Variants in ATP5F1C observed in about 807,000 individuals in gnomAD.
The protein encoded by ATP5F1C is ATP synthase F1 subunit gamma.
A neutral mutation model predicts 37.4 loss-of-function variants in ATP5F1C; 22 were observed. The observed-to-expected ratio is 0.59, with a 90% CI of 0.42 to 0.84. The LOEUF is 0.84. Among genes scored for constraint, ATP5F1C ranks in the 40% least tolerant of loss-of-function variants. The probability of loss-of-function intolerance (pLI) is 0.00; values close to 1 mark genes in which losing one functional copy is unlikely to be tolerated. For missense variants in ATP5F1C, 286 were observed against 362.4 expected, an observed-to-expected ratio of 0.79 and a Z score of 1.71; for synonymous variants, 121 against 128.0, an observed-to-expected ratio of 0.95 and a Z score of 0.37.
At chr10:7,799,284 A>C in intron 4 of ATP5F1C, 90 bp downstream of exon 4, 1 of 1,230,810 alleles carries the variant, frequency 8.1e-7, no homozygotes, top group South Asian at 1.3e-5. Flanking sequence ...CAAAACCTTC[A>C]TCAATAACAA....
intron 8 of ATP5F1C, among the ~76,000 whole-genome samples, chr10:7,805,237 T>G (rs1369342221): frequency 1.3e-5 from 2 of 152,236 alleles, no homozygotes; most frequent in Non-Finnish European, 2.9e-5. Flanking sequence ...ATTATCCTTC[T>G]TGCCATCTAC....
chr10:7,803,562 T>C (rs954801310), intron 8 of ATP5F1C, among the ~76,000 whole-genome samples: 8 of 152,244 alleles, frequency 5.3e-5, no homozygotes, highest in Non-Finnish European at 8.8e-5. Flanking sequence ...GTTGAATCCA[T>C]GGATACTGAG....
chr10:7,803,047 T>C lies in ATP5F1C; in HGVS notation c.890+193T>C, dbSNP rs142065764. On this transcript the variant is annotated intron_variant, in intron 8 of 9. Coordinates refer to ENST00000356708, the MANE Select transcript of ATP5F1C (RefSeq NM_001001973.3). ...TTTGCTTTATTTTTATTGTTTCAGC[T>C]GGAAACACTCGGGCTTAGTTTTCGG... 2.0e-3 allele frequency among the ~76,000 whole-genome samples: 297 copies of C among 152,254 alleles called. 2 individuals carry two copies. Among genetic ancestry groups the C allele is most frequent in the African/African-American group, 7.0e-3 (289 of 41,506 alleles).
intron 1 of ATP5F1C, 49 bp from the exon 2 acceptor site, chr10:7,796,072 G>A (rs1345311713): frequency 7.0e-7 from 1 of 1,435,594 alleles, no homozygotes; most frequent in East Asian, 2.3e-5. Context: ...CTTGTATAAT[G>A]GAACTATTTT....
chr10:7,792,974 C>T (rs1836185197), intron 1 of ATP5F1C, among the ~76,000 whole-genome samples: 1 of 152,216 alleles, frequency 6.6e-6, no homozygotes. Flanking sequence ...GCTCCACATC[C>T]TCATCATCAT....
chr10:7,806,220 G>C (rs1836477223), intron 8 of ATP5F1C, among the ~76,000 whole-genome samples: 1 of 152,144 alleles, frequency 6.6e-6, no homozygotes, highest in Admixed American at 6.6e-5. Context: ...CAGTTATTCT[G>C]AATCAAGACT....
At chr10:7,804,148 G>A (rs772127035) in intron 8 of ATP5F1C, 2 of 519,024 alleles carry the variant, frequency 3.9e-6, no homozygotes, top group South Asian at 1.4e-5. Context: ...TTTTTAAAGG[G>A]ATATAAGAAA....
chr10:7,789,289 T>C (rs1588494402), intron 1 of ATP5F1C, among the ~76,000 whole-genome samples: 1 of 152,212 alleles, frequency 6.6e-6, no homozygotes, highest in African/African-American at 2.4e-5. Context: ...GATTTTCGTA[T>C]CCTAATTTAT....
chr10:7,795,339 C>G (rs1294272380), intron 1 of ATP5F1C, among the ~76,000 whole-genome samples: 1 of 152,112 alleles, frequency 6.6e-6, no homozygotes, highest in Non-Finnish European at 1.5e-5. Flanking sequence ...CCTGCAAACA[C>G]AGGCACTTTG....
Position 7,802,420 on chromosome 10 carries a change from A to G in ATP5F1C, c.788A>G (p.Asn263Ser). ...RMTAMDNASKNASEMIDKLTL... is the reference protein window; with the variant it reads ...RMTAMDNASKSASEMIDKLTL... ...ACAGCCATGGACAATGCCAGCAAGA[A>G]TGCTTGTAAGTACACAGTATGGACA... Residue 263 changes from asparagine (N) to serine (S), a missense_variant, in exon 7 of 10, where the codon AAT becomes AGT. Asn to Ser is a conservative substitution (Grantham distance 46, BLOSUM62 1). Coordinates refer to ENST00000356708, the MANE Select transcript of ATP5F1C (RefSeq NM_001001973.3). 1 of 1,612,184 alleles carries G rather than the reference A, an allele frequency of 6.2e-7. No homozygotes were observed.
At chr10:7,799,722 C>T in intron 4 of ATP5F1C, 50 bp from the exon 5 acceptor site, 1 of 1,598,414 alleles carries the variant, frequency 6.3e-7, no homozygotes, top group South Asian at 1.1e-5. Flanking sequence ...TGTGCTCTTT[C>T]AGCAGAAATC....
intron 1 of ATP5F1C, among the ~76,000 whole-genome samples, chr10:7,788,609 G>A (rs1483388400): frequency 3.9e-5 from 6 of 152,210 alleles, no homozygotes; most frequent in Non-Finnish European, 8.8e-5. Flanking sequence ...TCCACTGCAA[G>A]CCAGGCCCCC....
At position 7,790,375 on chromosome 10, in the gene ATP5F1C, G is replaced by A. The variant is rs555049877; in HGVS notation, c.56+2112G>A. Among the ~76,000 whole-genome samples, 331 of 152,212 alleles carry A rather than the reference G, an allele frequency of 2.2e-3. 3 individuals carry two copies. Among genetic ancestry groups the A allele is most frequent in the African/African-American group, 7.6e-3 (316 of 41,552 alleles). ...TAGGGTATCGGCAAAATACTCTAAC[G>A]TTTTGAAAATTAAACCTTTTTTTTA... On this transcript the variant is annotated intron_variant, in intron 1 of 9. Coordinates refer to ENST00000356708, the MANE Select transcript of ATP5F1C (RefSeq NM_001001973.3).
intron 3 of ATP5F1C, 109 bp downstream of exon 3, chr10:7,797,287 T>C: frequency 7.2e-7 from 1 of 1,380,022 alleles, no homozygotes; most frequent in Non-Finnish European, 9.9e-7. Flanking sequence ...TCTGAGCACT[T>C]GCCATGTACT....
intron 8 of ATP5F1C, 52 bp from the exon 9 acceptor site, chr10:7,806,922 T>C: frequency 6.6e-7 from 1 of 1,519,126 alleles, no homozygotes; most frequent in Non-Finnish European, 9.1e-7. Context: ...CATGGATTGC[T>C]TCTTGACCTG....
In ATP5F1C at chr10:7,799,844, A is replaced by T; in HGVS notation, c.501A>T (p.Ser167=). ...AGCCCCCCACTTTTGGAGATGCGTCAGTCATTGCCCTTGAATTACTAAATT... is the reference window on the plus strand; with the variant it reads ...AGCCCCCCACTTTTGGAGATGCGTCTGTCATTGCCCTTGAATTACTAAATT... The part of the protein sequence containing the change: ...GRKPPTFGDA[S]VIALELLNSG... Residue 167 remains serine, a synonymous_variant, in exon 5 of 10, where the codon TCA becomes TCT. Transcript: ENST00000356708. The T allele has an allele frequency of 6.2e-7, 1 of 1,614,258 alleles. No homozygotes were observed. The highest frequency in any genetic ancestry group is 8.5e-7 in the Non-Finnish European group (1 of 1,180,048).
chr10:7,794,378 A>C (rs1021439623), intron 1 of ATP5F1C, among the ~76,000 whole-genome samples: 1 of 152,120 alleles, frequency 6.6e-6, no homozygotes, highest in African/African-American at 2.4e-5. Flanking sequence ...GTCTTACTGC[A>C]TTAGCTAAGA....
chr10:7,790,855 T>A (rs1836151590), intron 1 of ATP5F1C, among the ~76,000 whole-genome samples: 2 of 152,114 alleles, frequency 1.3e-5, no homozygotes, highest in African/African-American at 4.8e-5. Context: ...AGTGTGAGGA[T>A]TAGAGTATTT....
intron 1 of ATP5F1C, among the ~76,000 whole-genome samples, chr10:7,793,268 C>T (rs746544566): frequency 4.6e-5 from 7 of 152,250 alleles, no homozygotes; most frequent in East Asian, 1.9e-4. Context: ...CCCACCAGCA[C>T]GCCTGGCTAA....
Sources: gnomAD v4.1 joint callset for allele counts (sites outside exome capture counted in the v4.1 genomes callset) on GRCh38, gnomAD v4.1.1 for gene constraint, MANE v1.5 for transcripts, NCBI Gene and HGNC (gene_info 2026-07-23, HGNC 2026-07-21) for gene names.